CSRNP3: variants seen among roughly 807,000 people sequenced by gnomAD.
The protein encoded by CSRNP3 is cysteine and serine rich nuclear protein 3.
CSRNP3 carries 12 observed loss-of-function variants against 48.0 expected under a neutral mutation model. The ratio of observed to expected loss-of-function variants is 0.25; its 90% confidence interval spans 0.16 to 0.41. The LOEUF (loss-of-function observed/expected upper bound fraction) is 0.41, where lower values mean the gene tolerates loss of function less well. Among genes scored for constraint, CSRNP3 ranks in the 10% least tolerant of loss-of-function variants. The pLI is 1.00. For synonymous variants in CSRNP3, 263 were observed against 269.7 expected, an observed-to-expected ratio of 0.98 and a Z score of 0.24; for missense variants, 580 against 724.4, an observed-to-expected ratio of 0.80 and a Z score of 2.29.
At position 165,636,965 on chromosome 2, in the gene CSRNP3, G is replaced by C. The variant is rs1400427081; in HGVS notation, c.149-20796G>C. ...GACAACCAGCATTCCTATTCACAAT[G>C]TCCCAGGTGTCATGGCATACTCAGT... On this transcript the variant is annotated intron_variant, in intron 4 of 6. Transcript: ENST00000651982. 3.9e-5 allele frequency among the ~76,000 whole-genome samples: 6 copies of C among 152,104 alleles called. No individual in the cohort carries two copies. In the East Asian group the frequency reaches 1.2e-3, roughly 29 times the overall value.
Position 165,680,932 on chromosome 2 carries a change from T to G in CSRNP3, c.*1179T>G, listed in dbSNP as rs1687524621. The G allele has an allele frequency of 2.6e-5, 4 of 152,250 alleles. No homozygotes were observed. The highest frequency in any genetic ancestry group is 9.6e-5 in the African/African-American group (4 of 41,556). The allele number at this position is 152,250 out of a possible 1,614,324, so 9.4% of individuals were successfully genotyped here. On this transcript the variant is annotated 3_prime_UTR_variant, in exon 7 of 7. Coordinates refer to ENST00000651982, the MANE Select transcript of CSRNP3 (RefSeq NM_001172173.2). ...AATCAGTGTATAATGAGATTTCCAC[T>G]TAGTGACTAGCTGATTGAAGGGGGG...
At chr2:165,626,949 T>C (rs534037994) in intron 4 of CSRNP3, among the ~76,000 whole-genome samples, 1 of 152,348 alleles carries the variant, frequency 6.6e-6, no homozygotes, top group East Asian at 1.9e-4. Flanking sequence ...CCTGTAGCCT[T>C]GTTGCTGGCC....
In CSRNP3 at chr2:165,472,671, T is replaced by A. The variant is rs1683910432; in HGVS notation, c.-283+2931T>A. 3.9e-5 allele frequency among the ~76,000 whole-genome samples: 6 copies of A among 152,156 alleles called. No individual in the cohort carries two copies. In the South Asian group the frequency reaches 1.0e-3, roughly 26 times the overall value. ...CATAAAGCTGTTAACAGCTTTCCTA[T>A]TATTTTTGTTATAATTCAGATGAGA... is the stretch of plus-strand genomic sequence containing the variant. On this transcript the variant is annotated intron_variant, in intron 1 of 6. Transcript: ENST00000651982.
intron 3 of CSRNP3, among the ~76,000 whole-genome samples, chr2:165,563,137 T>A (rs1685255359): frequency 6.6e-6 from 1 of 152,332 alleles, no homozygotes; most frequent in South Asian, 2.1e-4. Context: ...AAACACTATG[T>A]AATGACTGGT....
chr2:165,566,474 T>G (rs1336561982), intron 3 of CSRNP3, among the ~76,000 whole-genome samples: 3 of 151,652 alleles, frequency 2.0e-5, no homozygotes, highest in Non-Finnish European at 4.4e-5. Context: ...CTCTATCTCG[T>G]GATGCCTCAA....
intron 4 of CSRNP3, among the ~76,000 whole-genome samples, chr2:165,619,868 T>C (rs1401944246): frequency 6.6e-6 from 1 of 152,186 alleles, no homozygotes; most frequent in Non-Finnish European, 1.5e-5. Flanking sequence ...GCCATTCATC[T>C]AGTTAATTAA....
rs752423325 is a variant in CSRNP3 at position 165,607,043 on chromosome 2, GT to G, written c.148+11832del. 9.2e-5 allele frequency among the ~76,000 whole-genome samples: 14 copies of G among 152,044 alleles called. No homozygotes were observed. The East Asian group carries it at 2.3e-3, about 25-fold the overall frequency. ...CCATAAATATGAGTATTAAGCACGT[GT>G]TATTTTCTAGAAGCTTGAAATAGTT... is the stretch of plus-strand genomic sequence containing the variant. On this transcript the variant is annotated intron_variant, in intron 4 of 6. Transcript: ENST00000651982.
chr2:165,513,798 G>A (rs540079843), intron 2 of CSRNP3, among the ~76,000 whole-genome samples: 9 of 152,242 alleles, frequency 5.9e-5, no homozygotes, highest in Admixed American at 1.3e-4. Flanking sequence ...GGGATTTGCA[G>A]GACAATTTGC....
intron 3 of CSRNP3, among the ~76,000 whole-genome samples, chr2:165,557,186 A>C (rs1436591482): frequency 6.6e-6 from 1 of 152,234 alleles, no homozygotes; most frequent in Admixed American, 6.5e-5. Context: ...ACTTCATGAC[A>C]CATTAAAATT....
chr2:165,632,916 C>T (rs1408251389), intron 4 of CSRNP3, among the ~76,000 whole-genome samples: 1 of 152,160 alleles, frequency 6.6e-6, no homozygotes, highest in African/African-American at 2.4e-5. Context: ...GGGAATAAAG[C>T]CTGAAAAACA....
At chr2:165,645,579 A>G (rs1412561787) in intron 4 of CSRNP3, among the ~76,000 whole-genome samples, 1 of 152,202 alleles carries the variant, frequency 6.6e-6, no homozygotes, top group South Asian at 2.1e-4. Context: ...GAAAAATCAC[A>G]GTTATAGTAA....
chr2:165,632,167 A>G (rs1426817247), intron 4 of CSRNP3, among the ~76,000 whole-genome samples: 2 of 152,186 alleles, frequency 1.3e-5, no homozygotes, highest in African/African-American at 4.8e-5. Context: ...TTCTGAATTT[A>G]GTGTGAACAT....
intron 5 of CSRNP3, among the ~76,000 whole-genome samples, chr2:165,670,607 T>C (rs1687312281): frequency 6.6e-6 from 1 of 152,208 alleles, no homozygotes; most frequent in African/African-American, 2.4e-5. Flanking sequence ...ATCAGTTAAA[T>C]GAATACAATG....
intron 3 of CSRNP3, among the ~76,000 whole-genome samples, chr2:165,523,604 T>A (rs185070279): frequency 6.3e-4 from 96 of 152,310 alleles, no homozygotes; most frequent in Non-Finnish European, 1.1e-3. Flanking sequence ...TTAACTACAT[T>A]TTTCTTCTTT....
At chr2:165,638,146 G>A (rs1242676264) in intron 4 of CSRNP3, among the ~76,000 whole-genome samples, 2 of 152,102 alleles carry the variant, frequency 1.3e-5, no homozygotes, top group Non-Finnish European at 2.9e-5. Context: ...ATTTAACTTA[G>A]TGATGAACAC....
At chr2:165,563,824 C>T (rs537188673) in intron 3 of CSRNP3, among the ~76,000 whole-genome samples, 2 of 152,172 alleles carry the variant, frequency 1.3e-5, no homozygotes, top group Admixed American at 6.6e-5. Context: ...CTACATAATG[C>T]CCAGCTACAA....
At chr2:165,559,679 A>G (rs1685204808) in intron 3 of CSRNP3, among the ~76,000 whole-genome samples, 1 of 152,076 alleles carries the variant, frequency 6.6e-6, no homozygotes, top group Non-Finnish European at 1.5e-5. Flanking sequence ...AAATAATACA[A>G]TTAAGACAAG....
chr2:165,549,537 G>T (rs1685071940), intron 3 of CSRNP3, among the ~76,000 whole-genome samples: 1 of 152,016 alleles, frequency 6.6e-6, no homozygotes, highest in African/African-American at 2.4e-5. Context: ...GCCTAAATGT[G>T]GTAGCTCTCA....
intron 5 of CSRNP3, among the ~76,000 whole-genome samples, chr2:165,668,869 G>A (rs1475764690): frequency 6.6e-6 from 1 of 151,992 alleles, no homozygotes; most frequent in African/African-American, 2.4e-5. Flanking sequence ...TACTCCAACT[G>A]GTCTTGAAAG....
Sources: gnomAD v4.1 joint callset for allele counts (sites outside exome capture counted in the v4.1 genomes callset) on GRCh38, gnomAD v4.1.1 for gene constraint, MANE v1.5 for transcripts, NCBI Gene and HGNC (gene_info 2026-07-23, HGNC 2026-07-21) for gene names.